SNTB1: variants seen among roughly 807,000 people sequenced by gnomAD.
The protein encoded by SNTB1 is syntrophin beta 1, also known as beta-1-syntrophin.
In SNTB1, 36 loss-of-function variants were observed where a neutral mutation model predicts 48.9. The ratio of observed to expected loss-of-function variants is 0.74; its 90% CI spans 0.56 to 0.97. SNTB1 has a LOEUF of 0.97. SNTB1 is among the 50% of genes least tolerant of loss of function. SNTB1 has a pLI of 0.00. For synonymous variants in SNTB1, 299 were observed against 294.6 expected (o/e 1.01, Z -0.15); for missense variants, 786 against 703.4 (o/e 1.12, Z -1.33).
chr8:120,647,466 T>C (rs1180439891), intron 2 of SNTB1, among the ~76,000 whole-genome samples: 2 of 149,262 alleles, frequency 1.3e-5, no homozygotes, highest in Non-Finnish European at 3.0e-5. Flanking sequence ...TTCCATGTAG[T>C]TGAGCGGTTT....
intron 1 of SNTB1, among the ~76,000 whole-genome samples, chr8:120,713,242 A>G (rs546972446): frequency 1.3e-5 from 2 of 152,316 alleles, no homozygotes; most frequent in African/African-American, 4.8e-5. Flanking sequence ...GGCATAATCT[A>G]AAACTTCACA....
chr8:120,772,049 T>C (rs1819644597), intron 1 of SNTB1, among the ~76,000 whole-genome samples: 1 of 151,988 alleles, frequency 6.6e-6, no homozygotes, highest in Non-Finnish European at 1.5e-5. Context: ...TTTGTATTTT[T>C]AGTAGAGACA....
At chr8:120,804,567 AG>A (rs1184299272) in intron 1 of SNTB1, among the ~76,000 whole-genome samples, 3 of 152,154 alleles carry the variant, frequency 2.0e-5, no homozygotes, top group Non-Finnish European at 4.4e-5. Context: ...TTTGGAGAGT[AG>A]GAAGTCACCT....
intron 1 of SNTB1, among the ~76,000 whole-genome samples, chr8:120,748,893 T>A (rs1193216459): frequency 6.6e-6 from 1 of 152,210 alleles, no homozygotes; most frequent in Non-Finnish European, 1.5e-5. Context: ...TCATTTGCAC[T>A]TGTCTGAGTC....
intron 4 of SNTB1, 25 bp downstream of exon 4, chr8:120,575,061 A>AGGTGGCCTTGTGTT: frequency 6.2e-7 from 1 of 1,614,130 alleles, no homozygotes; most frequent in South Asian, 1.1e-5. Flanking sequence ...CAAACACATC[A>AGGTGGCCTTGTGTT]TACCAAACAC....
chr8:120,803,922 C>A (rs768287676), intron 1 of SNTB1, among the ~76,000 whole-genome samples: 1 of 152,218 alleles, frequency 6.6e-6, no homozygotes, highest in Non-Finnish European at 1.5e-5. Flanking sequence ...ACCTGTATAA[C>A]ATTAAAAGGA....
chr8:120,648,801 C>T (rs895550744), intron 2 of SNTB1, among the ~76,000 whole-genome samples: 1 of 152,238 alleles, frequency 6.6e-6, no homozygotes, highest in Non-Finnish European at 1.5e-5. Flanking sequence ...CTTTCAGGTA[C>T]ACCAATCAGA....
intron 3 of SNTB1, among the ~76,000 whole-genome samples, chr8:120,578,389 C>T (rs1025020737): frequency 6.6e-6 from 1 of 152,134 alleles, no homozygotes; most frequent in Non-Finnish European, 1.5e-5. Flanking sequence ...AATATTGGTG[C>T]TATTGTTCTA....
At chr8:120,743,147 TC>T (rs1819070023) in intron 1 of SNTB1, among the ~76,000 whole-genome samples, 1 of 152,152 alleles carries the variant, frequency 6.6e-6, no homozygotes, top group South Asian at 2.1e-4. Context: ...CAGAAATTCT[TC>T]TTTATGGGTT....
chr8:120,725,548 T>C (rs1177795034), intron 1 of SNTB1, among the ~76,000 whole-genome samples: 1 of 152,196 alleles, frequency 6.6e-6, no homozygotes, highest in Non-Finnish European at 1.5e-5. Context: ...TAATCTCCTG[T>C]GAGATTTCAG....
intron 1 of SNTB1, among the ~76,000 whole-genome samples, chr8:120,810,037 G>T (rs1463263552): frequency 6.6e-6 from 1 of 152,016 alleles, no homozygotes; most frequent in African/African-American, 2.4e-5. Flanking sequence ...CTTAGTTTAG[G>T]GCTTAAATCA....
chr8:120,785,108 G>A (rs188540167), intron 1 of SNTB1, among the ~76,000 whole-genome samples: 1 of 152,340 alleles, frequency 6.6e-6, no homozygotes, highest in Admixed American at 6.5e-5. Context: ...CCTTGCAGAA[G>A]TCTGTCAGCT....
At chr8:120,577,859 C>A (rs1038317716) in intron 3 of SNTB1, among the ~76,000 whole-genome samples, 1 of 152,136 alleles carries the variant, frequency 6.6e-6, no homozygotes, top group Non-Finnish European at 1.5e-5. Context: ...TATTGAAGAG[C>A]GCTGTGTGGA....
At chr8:120,638,991 G>C (rs201437216) in intron 2 of SNTB1, among the ~76,000 whole-genome samples, 1 of 152,188 alleles carries the variant, frequency 6.6e-6, no homozygotes, top group Non-Finnish European at 1.5e-5. Flanking sequence ...GGTTGAACTA[G>C]TTTACAGTCC....
intron 2 of SNTB1, among the ~76,000 whole-genome samples, chr8:120,647,611 G>A (rs1429622943): frequency 6.9e-6 from 1 of 144,814 alleles, no homozygotes; most frequent in Non-Finnish European, 1.5e-5. Flanking sequence ...TGGAATAGGT[G>A]TGGTGTGGTG....
At chr8:120,611,859 G>A (rs537169609) in intron 3 of SNTB1, among the ~76,000 whole-genome samples, 3 of 148,704 alleles carry the variant, frequency 2.0e-5, no homozygotes, top group South Asian at 2.1e-4. Context: ...AGTGCCAGAC[G>A]TGTGGCAAAT....
chr8:120,666,602 T>A (rs1251094354), intron 2 of SNTB1, among the ~76,000 whole-genome samples: 1 of 152,206 alleles, frequency 6.6e-6, no homozygotes, highest in Non-Finnish European at 1.5e-5. Flanking sequence ...ACGTATGGTT[T>A]ATTGAGCTTC....
At chr8:120,665,731 G>A (rs1218160924) in intron 2 of SNTB1, among the ~76,000 whole-genome samples, 1 of 152,112 alleles carries the variant, frequency 6.6e-6, no homozygotes, top group African/African-American at 2.4e-5. Flanking sequence ...ACATTTGAAG[G>A]AATTTTTGTA....
intron 1 of SNTB1, among the ~76,000 whole-genome samples, chr8:120,761,831 C>T (rs116290765): frequency 0.01 from 1,527 of 152,210 alleles, 29 homozygotes; most frequent in African/African-American, 0.035. Context: ...TGATGGGGCA[C>T]CCAGAGACTT....
Sources: gnomAD v4.1 joint callset for allele counts (sites outside exome capture counted in the v4.1 genomes callset) on GRCh38, gnomAD v4.1.1 for gene constraint, MANE v1.5 for transcripts, NCBI Gene and HGNC (gene_info 2026-07-23, HGNC 2026-07-21) for gene names.